BCL2L1: variants seen among roughly 807,000 people sequenced by gnomAD.
BCL2L1 encodes BCL2 like 1, also known as bcl-2-like protein 1.
In BCL2L1, 1 loss-of-function variant was observed where a neutral mutation model predicts 18.7. The ratio of observed to expected loss-of-function variants is 0.05; its 90% CI spans 0.02 to 0.25. BCL2L1 has a LOEUF of 0.25. Ranked by LOEUF, BCL2L1 falls within the 10% of genes least tolerant of loss-of-function variation. The probability of loss-of-function intolerance (pLI) is 1.00; values close to 1 mark genes in which losing one functional copy is unlikely to be tolerated. For missense variants in BCL2L1, 207 were observed against 304.9 expected (o/e 0.68, Z 2.39); for synonymous variants, 103 against 122.7 (o/e 0.84, Z 1.06).
At chr20:31,669,584 C>T (rs956247255) in intron 2 of BCL2L1, among the ~76,000 whole-genome samples, 5 of 151,822 alleles carry the variant, frequency 3.3e-5, no homozygotes, top group African/African-American at 7.3e-5. Context: ...CCCCGAGTAG[C>T]GCCTGCCACC....
intron 2 of BCL2L1, among the ~76,000 whole-genome samples, chr20:31,699,525 T>G (rs1994251): frequency 0.29 from 44,615 of 152,176 alleles, 8,257 homozygotes; most frequent in African/African-American, 0.51. Context: ...TCCTCTCAGC[T>G]GGGAGTACAG....
intron 2 of BCL2L1, among the ~76,000 whole-genome samples, chr20:31,667,547 C>T (rs965319652): frequency 1.4e-5 from 2 of 143,546 alleles, no homozygotes; most frequent in African/African-American, 5.5e-5. Context: ...GTTCTTGCCT[C>T]TCTACCAAGA....
intron 2 of BCL2L1, chr20:31,720,855 G>C: frequency 1.0e-6 from 1 of 985,438 alleles, no homozygotes; most frequent in Non-Finnish European, 1.2e-6. Flanking sequence ...AACAGTGCTT[G>C]AAGAGGCCCC....
intron 2 of BCL2L1, among the ~76,000 whole-genome samples, chr20:31,678,021 T>C (rs2060792111): frequency 6.6e-6 from 1 of 152,192 alleles, no homozygotes; most frequent in Non-Finnish European, 1.5e-5. Flanking sequence ...CAGGTGATTA[T>C]GCAAGGTGTC....
At chr20:31,698,272 GCT>G (rs2061215892) in intron 2 of BCL2L1, among the ~76,000 whole-genome samples, 1 of 152,104 alleles carries the variant, frequency 6.6e-6, no homozygotes, top group Non-Finnish European at 1.5e-5. Context: ...ACAGGATTTT[GCT>G]CTGTCGCCCA....
At chr20:31,720,818 A>C in intron 2 of BCL2L1, 1 of 985,412 alleles carries the variant, frequency 1.0e-6, no homozygotes, top group Non-Finnish European at 1.2e-6. Flanking sequence ...ACAGAGCCCC[A>C]AAGACTAGGT....
chr20:31,715,166 G>A (rs1295628021), intron 2 of BCL2L1, among the ~76,000 whole-genome samples: 1 of 151,966 alleles, frequency 6.6e-6, no homozygotes, highest in Non-Finnish European at 1.5e-5. Flanking sequence ...CAGCTACTTG[G>A]GAGGCTGAGG....
chr20:31,705,604 G>A lies in BCL2L1; in HGVS notation c.564+16051C>T, dbSNP rs543024209. ...TGGTTATTATGTCATTGTCCCTGGA[G>A]TTTCCAGCTGTAGATGCTGTAGAAC... is the stretch of plus-strand genomic sequence containing the variant. On this transcript the variant is annotated intron_variant, in intron 2 of 2. Coordinates refer to ENST00000307677, the MANE Select transcript of BCL2L1 (RefSeq NM_138578.3). Among the ~76,000 whole-genome samples, 5 of 152,346 alleles carry A rather than the reference G, an allele frequency of 3.3e-5. No homozygotes were observed. The South Asian group carries it at 1.0e-3, about 32-fold the overall frequency.
intron 2 of BCL2L1, among the ~76,000 whole-genome samples, chr20:31,696,315 C>T (rs2061169011): frequency 6.6e-6 from 1 of 152,168 alleles, no homozygotes; most frequent in African/African-American, 2.4e-5. Context: ...CTTTCACAGC[C>T]CTGATGACCT....
In BCL2L1 at chr20:31,665,598, C is replaced by A; in HGVS notation, c.*351G>T. The A allele has an allele frequency of 3.9e-6, 1 of 259,132 alleles. No homozygotes were observed. Among genetic ancestry groups the A allele is most frequent in the African/African-American group, 2.2e-5 (1 of 45,210 alleles). 16.1% of individuals were successfully genotyped at this position (259,132 alleles called of 1,614,324 possible). On this transcript the variant is annotated 3_prime_UTR_variant, in exon 3 of 3. Transcript: ENST00000307677. The stretch of plus-strand genomic sequence containing the variant: ...AGAGGTTCTGAAAACTTTCAAGCTC[C>A]CTGGCAGAAAAACATTTTCAGGGAG...
chr20:31,674,118 T>A (rs1170005143), intron 2 of BCL2L1, among the ~76,000 whole-genome samples: 1 of 152,224 alleles, frequency 6.6e-6, no homozygotes, highest in Admixed American at 6.5e-5. Context: ...TCCAAGATAG[T>A]ACTTCATTCA....
intron 2 of BCL2L1, among the ~76,000 whole-genome samples, chr20:31,690,047 C>T (rs966474892): frequency 2.6e-5 from 4 of 152,160 alleles, no homozygotes; most frequent in African/African-American, 9.7e-5. Flanking sequence ...AGATGTGCTA[C>T]CTCACAAGTA....
intron 2 of BCL2L1, among the ~76,000 whole-genome samples, chr20:31,703,487 G>A (rs557806288): frequency 1.7e-3 from 236 of 141,854 alleles, no homozygotes; most frequent in African/African-American, 6.6e-3. Flanking sequence ...CCTAAACTTG[G>A]TGGTTGTTTT....
At position 31,697,315 on chromosome 20, in the gene BCL2L1, C is replaced by T. The variant is rs1321728589; in HGVS notation, c.564+24340G>A. On this transcript the variant is annotated intron_variant, in intron 2 of 2. Coordinates refer to ENST00000307677, the MANE Select transcript of BCL2L1 (RefSeq NM_138578.3). ...CTTCCTGGAAAAGACTGGCTTGGTA[C>T]TGGACTTTGGAGCCTGGATAGAATA... Among the ~76,000 whole-genome samples the T allele has an allele frequency of 4.6e-5, 7 of 152,200 alleles. No individual in the cohort carries two copies. The South Asian group carries it at 1.0e-3, about 23-fold the overall frequency.
chr20:31,675,608 G>A (rs1421447161), intron 2 of BCL2L1, among the ~76,000 whole-genome samples: 1 of 152,130 alleles, frequency 6.6e-6, no homozygotes. Context: ...TCTCCCCCAC[G>A]GAAACATAGG....
At chr20:31,686,673 C>T (rs931603587) in intron 2 of BCL2L1, among the ~76,000 whole-genome samples, 1 of 152,142 alleles carries the variant, frequency 6.6e-6, no homozygotes, top group Non-Finnish European at 1.5e-5. Flanking sequence ...CCAGGCCACC[C>T]AGCATGATAC....
chr20:31,720,292 C>A (rs2061601809), intron 2 of BCL2L1, among the ~76,000 whole-genome samples: 1 of 152,226 alleles, frequency 6.6e-6, no homozygotes, highest in Admixed American at 6.5e-5. Flanking sequence ...GTGCCTGCCA[C>A]ACCCTAGGCC....
At chr20:31,715,900 C>T (rs1001677605) in intron 2 of BCL2L1, among the ~76,000 whole-genome samples, 27 of 152,108 alleles carry the variant, frequency 1.8e-4, no homozygotes, top group Admixed American at 1.4e-3. Flanking sequence ...GGCTTGATCT[C>T]GGCTCACTGC....
chr20:31,718,857 C>A lies in BCL2L1; in HGVS notation c.564+2798G>T, dbSNP rs564177659. Among the ~76,000 whole-genome samples, 36 of 152,302 alleles carry A rather than the reference C, an allele frequency of 2.4e-4. No homozygotes were observed. In the East Asian group the frequency reaches 5.6e-3, roughly 24 times the overall value. On this transcript the variant is annotated intron_variant, in intron 2 of 2. Transcript: ENST00000307677. ...GTTATCAGTCCAGAGTGAGCACCTT[C>A]ACAGGCATGGTTTGCTTGGCCCAAC...
Sources: allele counts gnomAD v4.1 joint callset (sites outside exome capture counted in the v4.1 genomes callset), GRCh38; gene constraint gnomAD v4.1.1; transcripts MANE v1.5; gene names NCBI Gene and HGNC (gene_info 2026-07-23, HGNC 2026-07-21).